The following RBFOX1 variants were observed in gnomAD, a reference collection of about 807,000 sequenced individuals.
RBFOX1 encodes the protein RNA binding protein fox-1 homolog 1.
In RBFOX1, 8 loss-of-function variants were observed where a neutral mutation model predicts 57.7. The observed-to-expected ratio is 0.14, with a 90% confidence interval of 0.08 to 0.25. The LOEUF (loss-of-function observed/expected upper bound fraction) is 0.25. Ranked by LOEUF, RBFOX1 falls within the 10% of genes least tolerant of loss-of-function variation. The pLI is 1.00. For synonymous variants in RBFOX1, 326 were observed against 222.4 expected (o/e 1.47, Z -4.15); for missense variants, 611 against 548.5 (o/e 1.11, Z -1.14).
intron 3 of RBFOX1, among the ~76,000 whole-genome samples, chr16:5,663,586 A>G (rs1252970881): frequency 1.3e-5 from 2 of 152,180 alleles, no homozygotes; most frequent in African/African-American, 4.8e-5. Context: ...GTGCAATCCC[A>G]TATTCAACAC....
At chr16:6,049,053 CTTTT>C (rs534794320) in intron 1 of RBFOX1, among the ~76,000 whole-genome samples, 4 of 112,860 alleles carry the variant, frequency 3.5e-5, no homozygotes, top group Non-Finnish European at 7.0e-5. Flanking sequence ...CTTCTAACAG[CTTTT>C]TTTTTTTTTT....
At chr16:6,278,477 T>C (rs1308367078) in intron 1 of RBFOX1, among the ~76,000 whole-genome samples, 1 of 148,206 alleles carries the variant, frequency 6.7e-6, no homozygotes, top group East Asian at 2.1e-4. Context: ...CGTCACCTCC[T>C]ACTTTAATAA....
chr16:7,050,038 C>T (rs547397893), intron 3 of RBFOX1, among the ~76,000 whole-genome samples: 1 of 152,244 alleles, frequency 6.6e-6, no homozygotes, highest in South Asian at 2.1e-4. Flanking sequence ...CCTCTGGCAA[C>T]ATTTAATTTG....
intron 2 of RBFOX1, among the ~76,000 whole-genome samples, chr16:6,333,084 G>A (rs1301501260): frequency 6.6e-6 from 1 of 151,982 alleles, no homozygotes; most frequent in African/African-American, 2.4e-5. Context: ...CTGCCACCTA[G>A]GCTGGAGTGC....
intron 3 of RBFOX1, among the ~76,000 whole-genome samples, chr16:7,037,996 T>A (rs967406308): frequency 1.3e-5 from 2 of 152,218 alleles, no homozygotes; most frequent in African/African-American, 4.8e-5. Flanking sequence ...AAAATTACAG[T>A]TAAAACATCT....
intron 2 of RBFOX1, among the ~76,000 whole-genome samples, chr16:6,589,561 C>G (rs1230353591): frequency 6.6e-6 from 1 of 152,166 alleles, no homozygotes; most frequent in African/African-American, 2.4e-5. Context: ...GACCACTGGT[C>G]TTATATTTTA....
chr16:7,205,563 CATG>C (rs1315340767), intron 4 of RBFOX1, among the ~76,000 whole-genome samples: 1 of 150,998 alleles, frequency 6.6e-6, no homozygotes, highest in East Asian at 1.9e-4. Flanking sequence ...CGGAAATAAA[CATG>C]AACCTTTCAG....
At chr16:6,888,630 T>C (rs1180932081) in intron 3 of RBFOX1, among the ~76,000 whole-genome samples, 1 of 152,172 alleles carries the variant, frequency 6.6e-6, no homozygotes, top group Non-Finnish European at 1.5e-5. Flanking sequence ...ATCAGGCTGT[T>C]CCTTGCAGGT....
At chr16:5,488,968 A>G (rs112090224) in intron 2 of RBFOX1, among the ~76,000 whole-genome samples, 8 of 152,238 alleles carry the variant, frequency 5.3e-5, no homozygotes, top group African/African-American at 1.9e-4. Flanking sequence ...AATACATCTC[A>G]TTTAGTCTTT....
At chr16:6,619,191 T>C (rs2098189070) in intron 2 of RBFOX1, among the ~76,000 whole-genome samples, 1 of 151,970 alleles carries the variant, frequency 6.6e-6, no homozygotes, top group African/African-American at 2.4e-5. Context: ...CAACTTCTGA[T>C]GTCTCATGCC....
intron 4 of RBFOX1, among the ~76,000 whole-genome samples, chr16:7,507,126 C>T (rs547145089): frequency 9.5e-4 from 145 of 152,208 alleles, no homozygotes; most frequent in African/African-American, 3.1e-3. Flanking sequence ...GCTCTTGATG[C>T]CTCAATATTT....
intron 14 of RBFOX1, among the ~76,000 whole-genome samples, chr16:7,683,237 T>C (rs7186439): frequency 0.97 from 144,958 of 149,066 alleles, 70,626 homozygotes; most frequent in East Asian, 1. Flanking sequence ...TTTATGCATG[T>C]CAAGCTCTCA....
At chr16:5,683,233 C>G (rs970795720) in intron 3 of RBFOX1, among the ~76,000 whole-genome samples, 1 of 152,012 alleles carries the variant, frequency 6.6e-6, no homozygotes, top group Non-Finnish European at 1.5e-5. Flanking sequence ...GGGAAGCCTT[C>G]GAAAAATAGT....
chr16:7,141,438 C>G (rs1351507830), intron 4 of RBFOX1, among the ~76,000 whole-genome samples: 1 of 151,542 alleles, frequency 6.6e-6, no homozygotes, highest in Non-Finnish European at 1.5e-5. Flanking sequence ...ATTGTTAATC[C>G]AAGTTCTCAG....
intron 3 of RBFOX1, among the ~76,000 whole-genome samples, chr16:6,663,642 A>T (rs1220367858): frequency 6.6e-6 from 1 of 152,256 alleles, no homozygotes; most frequent in Non-Finnish European, 1.5e-5. Context: ...TGAGACTCAC[A>T]GAGTCCCCTG....
At chr16:7,299,865 T>G (rs1333763270) in intron 4 of RBFOX1, among the ~76,000 whole-genome samples, 1 of 152,248 alleles carries the variant, frequency 6.6e-6, no homozygotes, top group Non-Finnish European at 1.5e-5. Flanking sequence ...AAACCCATTG[T>G]AAGTTGAAAA....
chr16:7,163,773 C>T (rs66606498), intron 4 of RBFOX1, among the ~76,000 whole-genome samples: 29,950 of 151,986 alleles, frequency 0.2, 3,333 homozygotes, highest in East Asian at 0.41. Context: ...TCTCCCACCT[C>T]AGTCTTTCAA....
At chr16:6,327,506 C>G (rs978311297) in intron 2 of RBFOX1, among the ~76,000 whole-genome samples, 2 of 151,936 alleles carry the variant, frequency 1.3e-5, no homozygotes, top group African/African-American at 4.8e-5. Context: ...ACAGTCAGTT[C>G]GTTGTATTTT....
chr16:7,381,540 T>A, intron 4 of RBFOX1, among the ~76,000 whole-genome samples: 1 of 151,636 alleles, frequency 6.6e-6, no homozygotes, highest in African/African-American at 2.4e-5. Context: ...CTTCACAGTG[T>A]TCTGTTGCAT....
Sources: gnomAD v4.1 joint callset for allele counts (sites outside exome capture counted in the v4.1 genomes callset) on GRCh38, gnomAD v4.1.1 for gene constraint, MANE v1.5 for transcripts, NCBI Gene and HGNC (gene_info 2026-07-23, HGNC 2026-07-21) for gene names.